GSDMC: variants seen among roughly 807,000 people sequenced by gnomAD.
GSDMC encodes the protein gasdermin C.
In GSDMC, 59 loss-of-function variants were observed where a neutral mutation model predicts 58.0. That is an observed-to-expected ratio of 1.02 (90% CI 0.82 to 1.26). The LOEUF is 1.26. Among genes scored for constraint, GSDMC ranks in the 50% most tolerant of loss-of-function variants. The pLI, the probability that GSDMC is intolerant of heterozygous loss-of-function variation, is 0.00. For missense variants in GSDMC, 659 were observed against 598.5 expected, an observed-to-expected ratio of 1.10 and a Z score of -1.06; for synonymous variants, 241 against 220.2, an observed-to-expected ratio of 1.09 and a Z score of -0.83.
Position 129,760,577 on chromosome 8 carries a change from G to T in GSDMC, c.689C>A (p.Ser230Ter). The T allele has an allele frequency of 6.3e-7, 1 of 1,594,662 alleles. No homozygotes were observed. The highest frequency in any genetic ancestry group is 8.6e-7 in the Non-Finnish European group (1 of 1,162,846). Residue 230 changes from serine (S) to a stop codon, truncating the protein, a stop_gained, in exon 6 of 14, where the codon TCA becomes TAA. Transcript: ENST00000276708. LOFTEE classifies it high-confidence loss of function. ...LVIKEKAILISDDDEQRTFQD... is the reference protein window; with the variant it reads ...LVIKEKAILI Reference sequence around the variant, plus strand: ...AAAGGTTCTCTGTTCATCATCATCTGAGATGAGAATGGCTGAATGGAAAAG... The same window carrying T: ...AAAGGTTCTCTGTTCATCATCATCTTAGATGAGAATGGCTGAATGGAAAAG...
In GSDMC at chr8:129,765,778, T is replaced by C; in HGVS notation, c.420A>G (p.Pro140=). ...EDFQKRKLLD[P]EPSFLKECRR... ...GGCACTCCTTCAGAAATGATGGCTC[T>C]GGATCCAACAGTTTCCTGGGGATTT... Residue 140 remains proline (P), a synonymous_variant, in exon 4 of 14, where the codon CCA becomes CCG. Transcript: ENST00000276708. 1 of 1,613,772 alleles carries C rather than the reference T, an allele frequency of 6.2e-7. No homozygotes were observed. The highest frequency in any genetic ancestry group is 2.2e-5 in the East Asian group (1 of 44,882).
At chr8:129,771,975 G>GAA (rs1416409682) in intron 3 of GSDMC, among the ~76,000 whole-genome samples, 1 of 152,082 alleles carries the variant, frequency 6.6e-6, no homozygotes, top group Admixed American at 6.6e-5. Flanking sequence ...AACTAGAAAA[G>GAA]AAGAACAGGC....
intron 6 of GSDMC, among the ~76,000 whole-genome samples, chr8:129,754,419 G>C (rs2033348935): frequency 6.6e-6 from 1 of 152,192 alleles, no homozygotes; most frequent in Non-Finnish European, 1.5e-5. Context: ...ACCTCTATGA[G>C]TCTGCAACAA....
At chr8:129,707,768 T>C in the GSDMC span, among the ~76,000 whole-genome samples, 109 of 152,366 alleles carry the variant, frequency 7.2e-4, no homozygotes, top group African/African-American at 2.5e-3. Context: ...CTATGGCTCA[T>C]CTTATCTTCG....
intron 1 of GSDMC, among the ~76,000 whole-genome samples, chr8:129,782,394 G>A (rs1271438392): frequency 6.6e-6 from 1 of 151,764 alleles, no homozygotes; most frequent in Non-Finnish European, 1.5e-5. Context: ...TTAAAATTAA[G>A]AAAACAATAC....
intron 1 of GSDMC, among the ~76,000 whole-genome samples, chr8:129,782,899 C>T (rs2034455174): frequency 6.7e-6 from 1 of 149,548 alleles, no homozygotes; most frequent in African/African-American, 2.5e-5. Flanking sequence ...GACAAAGAAA[C>T]TTAAAAAAAA....
At chr8:129,740,132 T>G in the GSDMC span, among the ~76,000 whole-genome samples, 1 of 152,206 alleles carries the variant, frequency 6.6e-6, no homozygotes, top group Non-Finnish European at 1.5e-5. Context: ...TGTACAGCTT[T>G]AGAATGTTTG....
chr8:129,738,089 G>T, the GSDMC span, among the ~76,000 whole-genome samples: 72 of 152,318 alleles, frequency 4.7e-4, 2 homozygotes, highest in Middle Eastern at 0.024. Flanking sequence ...CTGGCCATAA[G>T]AGAAATGCAA....
At chr8:129,730,351 T>C in the GSDMC span, 6 of 1,312,048 alleles carry the variant, frequency 4.6e-6, no homozygotes, top group African/African-American at 8.9e-5. Flanking sequence ...GAAACTGTTA[T>C]GCAAGGAGAT....
chr8:129,749,683 G>A (rs955000942), intron 12 of GSDMC, among the ~76,000 whole-genome samples, 158 bp from the exon 13 acceptor site: 1 of 152,176 alleles, frequency 6.6e-6, no homozygotes, highest in Non-Finnish European at 1.5e-5. Flanking sequence ...AAGCCCTTCA[G>A]AATGGTCTCC....
chr8:129,765,764 A>G lies in GSDMC; in HGVS notation c.434T>C (p.Leu145Pro). 2 of 1,614,028 alleles carry G rather than the reference A, an allele frequency of 1.2e-6. No homozygotes were observed. The highest frequency in any genetic ancestry group is 1.7e-6 in the Non-Finnish European group (2 of 1,179,914). Reference sequence around the variant, plus strand: ...GTCCCCTCTCCTCCGGCACTCCTTCAGAAATGATGGCTCTGGATCCAACAG... The same window carrying G: ...GTCCCCTCTCCTCCGGCACTCCTTCGGAAATGATGGCTCTGGATCCAACAG... ...RKLLDPEPSF[L>P]KECRRRGDNL... The change falls in exon 4 of 14, where the codon CTG (leucine) becomes CCG (proline). Residue 145 changes from leucine (L) to proline (P), a missense_variant. Physicochemically the swap from Leu to Pro is moderately conservative, Grantham distance 98 (BLOSUM62 -3). Transcript: ENST00000276708.
At chr8:129,740,258 G>T in the GSDMC span, among the ~76,000 whole-genome samples, 12 of 152,070 alleles carry the variant, frequency 7.9e-5, no homozygotes, top group Non-Finnish European at 1.5e-4. Flanking sequence ...AATATTTTTT[G>T]TAAGTTTAGT....
chr8:129,772,543 A>G (rs2034097075), intron 3 of GSDMC, among the ~76,000 whole-genome samples: 1 of 152,182 alleles, frequency 6.6e-6, no homozygotes, highest in South Asian at 2.1e-4. Context: ...ATAAATTCCC[A>G]GAAACATATG....
rs1183981323 is a variant in GSDMC, at chr8:129,777,551, C to G, written c.37G>C (p.Val13Leu). ...SMLERISKNL[V>L]KEIGSKDLTP... ...AGGTCTTTGCTTCCAATCTCTTTGA[C>G]CAAATTTTTGCTAATGCGTTCCAAC... Residue 13 changes from valine to leucine, a missense_variant, in exon 2 of 14, where the codon GTC becomes CTC. Transcript: ENST00000276708. The G allele has an allele frequency of 1.2e-6, 2 of 1,612,532 alleles. No homozygotes were observed. Among genetic ancestry groups the G allele is most frequent in the African/African-American group, 1.3e-5 (1 of 74,842 alleles).
At chr8:129,782,271 T>C (rs57301551) in intron 1 of GSDMC, among the ~76,000 whole-genome samples, 61 of 151,952 alleles carry the variant, frequency 4.0e-4, no homozygotes, top group African/African-American at 1.5e-3. Context: ...AAGAAAAACT[T>C]CAAATAAATA....
At chr8:129,727,068 A>C in the GSDMC span, among the ~76,000 whole-genome samples, 1 of 151,586 alleles carries the variant, frequency 6.6e-6, no homozygotes, top group Non-Finnish European at 1.5e-5. Flanking sequence ...TGAAGTCAAC[A>C]AAGTTTACTT....
At chr8:129,742,563 G>C in the GSDMC span, among the ~76,000 whole-genome samples, 1 of 152,024 alleles carries the variant, frequency 6.6e-6, no homozygotes, top group Non-Finnish European at 1.5e-5. Context: ...ACTCTGTCCT[G>C]AAAACTCTAG....
the GSDMC span, among the ~76,000 whole-genome samples, chr8:129,713,280 T>A: frequency 6.6e-6 from 1 of 152,140 alleles, no homozygotes; most frequent in South Asian, 2.1e-4. Flanking sequence ...ACTTCACAGC[T>A]GTGTGTCTGT....
At chr8:129,724,660 G>C in the GSDMC span, among the ~76,000 whole-genome samples, 1 of 151,688 alleles carries the variant, frequency 6.6e-6, no homozygotes, top group East Asian at 1.9e-4. Context: ...TTCACACACA[G>C]AAACAGAAGT....
Sources: allele counts gnomAD v4.1 joint callset (sites outside exome capture counted in the v4.1 genomes callset), GRCh38; gene constraint gnomAD v4.1.1; transcripts MANE v1.5; gene names NCBI Gene and HGNC (gene_info 2026-07-23, HGNC 2026-07-21).